CAMTA1: variants seen among roughly 807,000 people sequenced by gnomAD.
The protein encoded by CAMTA1 is calmodulin-binding transcription activator 1.
CAMTA1 carries 27 observed loss-of-function variants against 170.9 expected under a neutral mutation model. That is an observed-to-expected ratio of 0.16 (90% confidence interval 0.12 to 0.22). The LOEUF (loss-of-function observed/expected upper bound fraction) is 0.22, where lower values mean the gene tolerates loss of function less well. CAMTA1 is among the 10% of genes least tolerant of loss of function. The pLI is 1.00. For missense variants in CAMTA1, 1,619 were observed against 2,217.2 expected (o/e 0.73, Z 5.42); for synonymous variants, 833 against 891.5 (o/e 0.93, Z 1.17).
chr1:6,797,820 G>A (rs1270357570), intron 1 of CAMTA1, among the ~76,000 whole-genome samples: 1 of 152,034 alleles, frequency 6.6e-6, no homozygotes, highest in Non-Finnish European at 1.5e-5. Context: ...TCTGTTAGCT[G>A]GCTTTCTCCT....
At chr1:6,868,318 T>TA (rs983806726) in intron 3 of CAMTA1, among the ~76,000 whole-genome samples, 9 of 134,108 alleles carry the variant, frequency 6.7e-5, no homozygotes, top group African/African-American at 1.2e-4. Context: ...TTTTTTTTTT[T>TA]AAAAACAAAA....
chr1:7,315,781 C>T (rs899578041), intron 5 of CAMTA1, among the ~76,000 whole-genome samples: 11 of 152,174 alleles, frequency 7.2e-5, no homozygotes, highest in African/African-American at 2.7e-4. Context: ...CTGCAGTGAT[C>T]CTTAGTGTTC....
intron 12 of CAMTA1, among the ~76,000 whole-genome samples, chr1:7,735,453 A>G (rs576090355): frequency 6.6e-6 from 1 of 151,334 alleles, no homozygotes; most frequent in African/African-American, 2.5e-5. Flanking sequence ...TCAAAAAAAA[A>G]AAAAAAGAAA....
At chr1:7,176,285 G>A (rs1448841425) in intron 4 of CAMTA1, among the ~76,000 whole-genome samples, 2 of 152,246 alleles carry the variant, frequency 1.3e-5, no homozygotes, top group East Asian at 3.8e-4. Context: ...GGAGCAGCGT[G>A]AAGGTGAAAC....
rs1219601599 is a variant in CAMTA1, at chr1:7,682,063, A to G, written c.2914+4330A>G. On this transcript the variant is annotated intron_variant, in intron 11 of 22. Coordinates refer to ENST00000303635, the MANE Select transcript of CAMTA1 (RefSeq NM_015215.4). The surrounding 1 kb of genome is among the most constrained non-coding windows in gnomAD (Gnocchi z 5.0). ...TTAGACTCTATTTTCAGTGCTTCTC[A>G]GGCAACTGAGCCTCCTTGCCTGGGT... Among the ~76,000 whole-genome samples, 1 of 146,070 alleles carries G rather than the reference A, an allele frequency of 6.8e-6. No homozygotes were observed. Among genetic ancestry groups the G allele is most frequent in the East Asian group, 2.0e-4 (1 of 4,966 alleles).
intron 5 of CAMTA1, chr1:7,441,371 T>C (rs903123692): frequency 6.6e-6 from 1 of 152,222 alleles, no homozygotes; most frequent in Non-Finnish European, 1.5e-5. Flanking sequence ...TTACATTAAG[T>C]GTCTGCTGTA....
intron 6 of CAMTA1, among the ~76,000 whole-genome samples, chr1:7,614,489 C>T (rs566845981): frequency 6.6e-6 from 1 of 152,144 alleles, no homozygotes; most frequent in Non-Finnish European, 1.5e-5. Context: ...ATCAAGTCAC[C>T]GTGCGACCTT....
intron 16 of CAMTA1, among the ~76,000 whole-genome samples, chr1:7,739,957 C>G (rs1415708566): frequency 1.3e-5 from 2 of 151,982 alleles, no homozygotes; most frequent in South Asian, 2.1e-4. Context: ...TGCAGTTTCC[C>G]TACCACAACA....
chr1:7,533,941 A>G (rs569734372), intron 6 of CAMTA1, among the ~76,000 whole-genome samples: 12 of 152,194 alleles, frequency 7.9e-5, no homozygotes, highest in African/African-American at 2.4e-4. Flanking sequence ...AGAAAAAAAG[A>G]AAACGTCCAG....
At chr1:7,315,522 C>G (rs1185136749) in intron 5 of CAMTA1, among the ~76,000 whole-genome samples, 1 of 152,184 alleles carries the variant, frequency 6.6e-6, no homozygotes, top group Non-Finnish European at 1.5e-5. Context: ...TTGGCTGGGT[C>G]AACATGGACA....
chr1:7,581,281 C>T (rs975292263), intron 6 of CAMTA1, among the ~76,000 whole-genome samples: 1 of 152,226 alleles, frequency 6.6e-6, no homozygotes, highest in African/African-American at 2.4e-5. Flanking sequence ...TGGCTGCCTC[C>T]GAAGGGCCTG....
intron 5 of CAMTA1, among the ~76,000 whole-genome samples, chr1:7,447,984 G>C (rs2092721288): frequency 6.6e-6 from 1 of 152,254 alleles, no homozygotes; most frequent in Non-Finnish European, 1.5e-5. Flanking sequence ...TCTGAAGCAG[G>C]CTGTCCATGC....
intron 5 of CAMTA1, among the ~76,000 whole-genome samples, chr1:7,276,811 A>G (rs1245938058): frequency 6.6e-6 from 1 of 152,240 alleles, no homozygotes; most frequent in Admixed American, 6.5e-5. Context: ...GATCATGTGC[A>G]TAGAAAGTGT....
intron 4 of CAMTA1, among the ~76,000 whole-genome samples, chr1:7,198,389 G>A (rs1041443295): frequency 1.3e-5 from 2 of 152,078 alleles, no homozygotes; most frequent in Non-Finnish European, 2.9e-5. Context: ...CGTGGTGTGA[G>A]TGGTACAGGA....
At chr1:7,338,423 G>A (rs1574781519) in intron 5 of CAMTA1, among the ~76,000 whole-genome samples, 1 of 152,196 alleles carries the variant, frequency 6.6e-6, no homozygotes, top group Non-Finnish European at 1.5e-5. Flanking sequence ...TACAGACTGT[G>A]CACCAGGAGC....
intron 1 of CAMTA1, among the ~76,000 whole-genome samples, chr1:6,787,910 A>G (rs1379440019): frequency 1.3e-5 from 2 of 152,052 alleles, no homozygotes; most frequent in Non-Finnish European, 2.9e-5. Flanking sequence ...GACAAACGAC[A>G]GGAGATGGGT....
chr1:6,814,546 G>C (rs1225453541), intron 1 of CAMTA1, among the ~76,000 whole-genome samples: 1 of 152,190 alleles, frequency 6.6e-6, no homozygotes. Context: ...TGTGAGAACA[G>C]TCTGCCCACC....
At chr1:7,136,375 C>T (rs1182671055) in intron 4 of CAMTA1, among the ~76,000 whole-genome samples, 1 of 152,188 alleles carries the variant, frequency 6.6e-6, no homozygotes, top group Non-Finnish European at 1.5e-5. Context: ...TCCTTGTGTG[C>T]CAGATCACAT....
At position 7,274,710 on chromosome 1, in the gene CAMTA1, A is replaced by G. The variant is rs545094480; in HGVS notation, c.438+25084A>G. ...TCATAAAACAAATCTCATTACATTTAAAAAGATTACTGCTTCTCTGACAGT... is the reference window on the plus strand; with the variant it reads ...TCATAAAACAAATCTCATTACATTTGAAAAGATTACTGCTTCTCTGACAGT... On this transcript the variant is annotated intron_variant, in intron 5 of 22. Transcript: ENST00000303635. Among the ~76,000 whole-genome samples, 19 of 152,356 alleles carry G rather than the reference A, an allele frequency of 1.2e-4. 1 individual carries two copies. In the South Asian group the frequency reaches 3.9e-3, roughly 32 times the overall value.
Sources: allele counts gnomAD v4.1 joint callset (sites outside exome capture counted in the v4.1 genomes callset), GRCh38; gene constraint gnomAD v4.1.1; non-coding constraint Gnocchi (gnomAD v3.1); transcripts MANE v1.5; gene names NCBI Gene and HGNC (gene_info 2026-07-23, HGNC 2026-07-21).